Variants in NRXN1 observed in about 807,000 individuals in gnomAD.
The protein encoded by NRXN1 is neurexin-1.
In NRXN1, 39 loss-of-function variants were observed where a neutral mutation model predicts 150.9. That is an observed-to-expected ratio of 0.26 (90% CI 0.20 to 0.34). The LOEUF (loss-of-function observed/expected upper bound fraction) is 0.34, where lower values mean the gene tolerates loss of function less well. NRXN1 is among the 10% of genes least tolerant of loss of function. The pLI is 1.00. For synonymous variants in NRXN1, 924 were observed against 757.0 expected, an observed-to-expected ratio of 1.22 and a Z score of -3.62; for missense variants, 1,815 against 1,949.9, an observed-to-expected ratio of 0.93 and a Z score of 1.30.
At chr2:50,218,830 ATAATT>A (rs1309589170) in intron 18 of NRXN1, among the ~76,000 whole-genome samples, 1 of 152,062 alleles carries the variant, frequency 6.6e-6, no homozygotes, top group African/African-American at 2.4e-5. Context: ...TTAGTTAAAT[ATAATT>A]TAAGATTCTA....
intron 2 of NRXN1, among the ~76,000 whole-genome samples, chr2:51,007,802 C>A (rs1216935496): frequency 6.6e-6 from 1 of 151,814 alleles, no homozygotes; most frequent in African/African-American, 2.4e-5. Context: ...AAATAATTAT[C>A]TGGAATATTC....
chr2:50,174,914 C>CT (rs1212859493), intron 18 of NRXN1: 1 of 152,176 alleles, frequency 6.6e-6, no homozygotes. Flanking sequence ...ACATGCTATA[C>CT]TTAGCTCAAG....
At chr2:50,384,070 T>C (rs2081152508) in intron 17 of NRXN1, among the ~76,000 whole-genome samples, 2 of 152,226 alleles carry the variant, frequency 1.3e-5, no homozygotes, top group South Asian at 4.1e-4. Context: ...AAGTGGTAGG[T>C]CAGCATTAAA....
intron 18 of NRXN1, among the ~76,000 whole-genome samples, chr2:50,145,641 T>A (rs1574154795): frequency 6.6e-6 from 1 of 151,822 alleles, no homozygotes; most frequent in East Asian, 1.9e-4. Flanking sequence ...GGCTCTTAGC[T>A]GTGTCACCAT....
intron 17 of NRXN1, among the ~76,000 whole-genome samples, chr2:50,333,732 G>A (rs982913837): frequency 1.3e-5 from 2 of 151,840 alleles, no homozygotes; most frequent in African/African-American, 4.8e-5. Flanking sequence ...GGCAGAGAGT[G>A]AGAGAATGTC....
chr2:50,091,806 C>T (rs1318147813), intron 18 of NRXN1, among the ~76,000 whole-genome samples: 1 of 152,218 alleles, frequency 6.6e-6, no homozygotes, highest in Non-Finnish European at 1.5e-5. Flanking sequence ...TGTACTTTAA[C>T]ACAACCCCTT....
intron 5 of NRXN1, among the ~76,000 whole-genome samples, chr2:50,667,763 G>T (rs1688281904): frequency 6.6e-6 from 1 of 151,714 alleles, no homozygotes; most frequent in Admixed American, 6.6e-5. Flanking sequence ...TTTTACCCCT[G>T]GCTTTATATT....
At chr2:50,653,223 A>T (rs1454688260) in intron 5 of NRXN1, among the ~76,000 whole-genome samples, 1 of 152,076 alleles carries the variant, frequency 6.6e-6, no homozygotes, top group Non-Finnish European at 1.5e-5. Context: ...TTGAGAAAAT[A>T]AATGATTTAT....
At chr2:50,253,567 T>C (rs114800726) in intron 17 of NRXN1, among the ~76,000 whole-genome samples, 1 of 152,294 alleles carries the variant, frequency 6.6e-6, no homozygotes, top group Non-Finnish European at 1.5e-5. Flanking sequence ...ATGGCTCTTA[T>C]GATTTTGAGA....
chr2:50,605,089 G>C (rs1440734866), intron 8 of NRXN1, among the ~76,000 whole-genome samples: 1 of 152,168 alleles, frequency 6.6e-6, no homozygotes, highest in Non-Finnish European at 1.5e-5. Context: ...TAAATGCTAT[G>C]ATAGAGATAA....
At chr2:50,718,372 G>C (rs1696148266) in intron 5 of NRXN1, among the ~76,000 whole-genome samples, 1 of 152,154 alleles carries the variant, frequency 6.6e-6, no homozygotes, top group African/African-American at 2.4e-5. Context: ...AAGGCTGGGA[G>C]CTGGGAAGGG....
chr2:50,191,541 T>C (rs1457344012), intron 18 of NRXN1, among the ~76,000 whole-genome samples: 1 of 152,166 alleles, frequency 6.6e-6, no homozygotes, highest in Non-Finnish European at 1.5e-5. Flanking sequence ...TCCATCATCA[T>C]AAGGATCCCT....
rs1407497885 is a variant in NRXN1 at position 50,582,495 on chromosome 2, A to AAG, written c.1321-29471_1321-29470insCT. On this transcript the variant is annotated intron_variant, in intron 8 of 22. Coordinates refer to ENST00000401669, the MANE Select transcript of NRXN1 (RefSeq NM_001330078.2). The stretch of plus-strand genomic sequence containing the variant: ...CTCGTCTCCAAAAAAAAAAAAAAAA[A>AAG]AAAAAAAAATTATTTACCAGGTGAA... Among the ~76,000 whole-genome samples, 5 of 151,102 alleles carry AAG rather than the reference A, an allele frequency of 3.3e-5. No individual in the cohort carries two copies. In the East Asian group the frequency reaches 9.7e-4, roughly 29 times the overall value.
intron 3 of NRXN1, chr2:50,923,384 A>C (rs757019695): frequency 3.5e-6 from 1 of 289,478 alleles, no homozygotes; most frequent in Admixed American, 3.2e-5. Flanking sequence ...ATTTCACCTA[A>C]ATATTTCTTA....
At position 50,915,540 on chromosome 2, in the gene NRXN1, G is replaced by C. The variant is rs147819932; in HGVS notation, c.832+6329C>G. Among the ~76,000 whole-genome samples the C allele has an allele frequency of 7.3e-4, 110 of 151,612 alleles. 1 individual carries two copies. Among genetic ancestry groups the C allele is most frequent in the African/African-American group, 2.6e-3 (106 of 41,446 alleles). On this transcript the variant is annotated intron_variant, in intron 5 of 22. Coordinates refer to ENST00000401669, the MANE Select transcript of NRXN1 (RefSeq NM_001330078.2). ...GAGTAACAGATATCTAAATAATTTT[G>C]ATTGAGGATAATCAATCTTTAATAC... is the stretch of plus-strand genomic sequence containing the variant.
chr2:50,445,013 T>C (rs1470640213), intron 17 of NRXN1, among the ~76,000 whole-genome samples: 2 of 152,172 alleles, frequency 1.3e-5, no homozygotes, highest in East Asian at 3.9e-4. Flanking sequence ...CCAAAATAAC[T>C]GGCATGCAGG....
At chr2:50,487,978 G>C (rs2090998104) in intron 15 of NRXN1, among the ~76,000 whole-genome samples, 1 of 152,080 alleles carries the variant, frequency 6.6e-6, no homozygotes, top group Non-Finnish European at 1.5e-5. Context: ...CAAAGTCTCT[G>C]TCTCCACCCA....
intron 5 of NRXN1, among the ~76,000 whole-genome samples, chr2:50,889,607 A>T (rs1239231007): frequency 6.6e-6 from 1 of 151,708 alleles, no homozygotes; most frequent in Non-Finnish European, 1.5e-5. Flanking sequence ...TTTACATTCA[A>T]ATATAACTTG....
intron 8 of NRXN1, among the ~76,000 whole-genome samples, chr2:50,555,840 G>A (rs1245071592): frequency 1.3e-5 from 2 of 152,158 alleles, no homozygotes; most frequent in Non-Finnish European, 2.9e-5. Context: ...TAATTGACAA[G>A]TTGGCCCATG....
Sources: gnomAD v4.1 joint callset for allele counts (sites outside exome capture counted in the v4.1 genomes callset) on GRCh38, gnomAD v4.1.1 for gene constraint, MANE v1.5 for transcripts, NCBI Gene and HGNC (gene_info 2026-07-23, HGNC 2026-07-21) for gene names.